PRKAA2: variants seen among roughly 807,000 people sequenced by gnomAD.
PRKAA2 encodes the protein protein kinase AMP-activated catalytic subunit alpha 2.
Under a neutral mutation model 56.3 loss-of-function variants are expected in PRKAA2, and 40 were observed. The ratio of observed to expected loss-of-function variants is 0.71; its 90% confidence interval spans 0.55 to 0.92. The LOEUF is 0.92. Among genes scored for constraint, PRKAA2 ranks in the 40% least tolerant of loss-of-function variants. PRKAA2 has a pLI of 0.00. For missense variants in PRKAA2, 542 were observed against 686.9 expected, an observed-to-expected ratio of 0.79 and a Z score of 2.36; for synonymous variants, 214 against 234.2, an observed-to-expected ratio of 0.91 and a Z score of 0.79.
At chr1:56,701,553 T>C (rs1644293461) in intron 6 of PRKAA2, among the ~76,000 whole-genome samples, 1 of 152,148 alleles carries the variant, frequency 6.6e-6, no homozygotes, top group Non-Finnish European at 1.5e-5. Flanking sequence ...TTATTGAGCA[T>C]TTACTCTACT....
intron 6 of PRKAA2, among the ~76,000 whole-genome samples, chr1:56,700,057 A>T (rs1264815469): frequency 9.2e-5 from 14 of 152,226 alleles, no homozygotes; most frequent in Non-Finnish European, 1.8e-4. Flanking sequence ...GAACATTTAC[A>T]TACACAGTTT....
intron 2 of PRKAA2, among the ~76,000 whole-genome samples, chr1:56,677,687 A>G (rs1644123258): frequency 6.9e-6 from 1 of 145,604 alleles, no homozygotes; most frequent in African/African-American, 2.6e-5. Context: ...AACAGAGCCT[A>G]GCTCTGTTGC....
chr1:56,672,102 TGTG>T lies in PRKAA2; in HGVS notation c.95-2276_95-2274del, dbSNP rs571056837. Among the ~76,000 whole-genome samples the T allele has an allele frequency of 6.0e-4, 92 of 152,108 alleles. 1 individual carries two copies. The Middle Eastern group carries it at 0.01, about 17-fold the overall frequency. ...TGAAGAAGAGGAGGAGAATGCTGAATGTGGTTTTTTTGTTTTTGTTTTTCATTT... is the reference window on the plus strand; with the variant it reads ...TGAAGAAGAGGAGGAGAATGCTGAATGTTTTTTTGTTTTTGTTTTTCATTT... On this transcript the variant is annotated intron_variant, in intron 1 of 8. Transcript: ENST00000371244.
chr1:56,652,283 G>A (rs1395368292), intron 1 of PRKAA2, among the ~76,000 whole-genome samples: 1 of 151,980 alleles, frequency 6.6e-6, no homozygotes, highest in Non-Finnish European at 1.5e-5. Context: ...AGTGCTGGGA[G>A]TAAAGGCGTG....
intron 2 of PRKAA2, among the ~76,000 whole-genome samples, chr1:56,688,573 G>A (rs1282447116): frequency 6.6e-6 from 1 of 152,172 alleles, no homozygotes; most frequent in Non-Finnish European, 1.5e-5. Context: ...TCATAGTATA[G>A]GATTCAGGTC....
chr1:56,710,814 T>C lies in PRKAA2; in HGVS notation c.*3101T>C, dbSNP rs1644364728. The C allele has an allele frequency of 6.6e-6, 1 of 152,154 alleles. No individual in the cohort carries two copies. Among genetic ancestry groups the C allele is most frequent in the Admixed American group, 6.6e-5 (1 of 15,262 alleles). The allele number at this position is 152,154 out of a possible 1,614,324, so 9.4% of individuals were successfully genotyped here. A position where few individuals can be genotyped will look rare whatever the true frequency, so the allele number is the denominator to read the frequency against. On this transcript the variant is annotated 3_prime_UTR_variant, in exon 9 of 9. Coordinates refer to ENST00000371244, the MANE Select transcript of PRKAA2 (RefSeq NM_006252.4). ...GTTAAAAAAAAGTCTAAGAGACTAA[T>C]GACTCATGCTTATGGCTCAGTGGGT...
intron 2 of PRKAA2, among the ~76,000 whole-genome samples, chr1:56,680,975 C>T (rs1644150075): frequency 6.6e-6 from 1 of 152,234 alleles, no homozygotes; most frequent in Non-Finnish European, 1.5e-5. Context: ...GTCCCACCAA[C>T]AGTGTAAAAG....
At chr1:56,662,751 GGT>G (rs1038985615) in intron 1 of PRKAA2, among the ~76,000 whole-genome samples, 1 of 152,072 alleles carries the variant, frequency 6.6e-6, no homozygotes, top group Admixed American at 6.6e-5. Context: ...TTGTTTTAAA[GGT>G]GTGTGTGTGT....
At chr1:56,678,786 C>T (rs1001559261) in intron 2 of PRKAA2, among the ~76,000 whole-genome samples, 1 of 151,662 alleles carries the variant, frequency 6.6e-6, no homozygotes, top group Non-Finnish European at 1.5e-5. Flanking sequence ...ACCTCCGCCT[C>T]CTGTGTTCAA....
chr1:56,658,850 GTACCTC>G (rs1004449630), intron 1 of PRKAA2, among the ~76,000 whole-genome samples: 2 of 151,454 alleles, frequency 1.3e-5, no homozygotes, highest in Non-Finnish European at 2.9e-5. Flanking sequence ...AGCAATTCTT[GTACCTC>G]AGCCTCTGCA....
intron 1 of PRKAA2, among the ~76,000 whole-genome samples, chr1:56,662,330 A>G (rs1008899909): frequency 4.6e-5 from 7 of 152,280 alleles, no homozygotes; most frequent in African/African-American, 1.7e-4. Flanking sequence ...CTTTGAGAAA[A>G]ACATATGACA....
Position 56,695,184 on chromosome 1 carries a change from A to T in PRKAA2, c.564-751A>T, listed in dbSNP as rs761747114. 9.8e-3 allele frequency among the ~76,000 whole-genome samples: 380 copies of T among 38,802 alleles called. 1 individual carries two copies. The highest frequency in any genetic ancestry group is 0.017 in the Non-Finnish European group (309 of 18,020). 25.5% of individuals were successfully genotyped at this position (38,802 alleles called of 152,430 possible). ...TCTCTCTCTATATATATGATATATT[A>T]TATATATATATATATATATTTTTTG... On this transcript the variant is annotated intron_variant, in intron 5 of 8. Coordinates refer to ENST00000371244, the MANE Select transcript of PRKAA2 (RefSeq NM_006252.4).
At position 56,696,132 on chromosome 1, in the gene PRKAA2, T is replaced by G; in HGVS notation, c.761T>G (p.Leu254Arg). 1 of 1,613,354 alleles carries G rather than the reference T, an allele frequency of 6.2e-7. No homozygotes were observed. The highest frequency in any genetic ancestry group is 8.5e-7 in the Non-Finnish European group (1 of 1,179,624). ...ATGCATATGCTGCAGGTTGACCCAC[T>G]GAAACGAGCAACTATCAAAGACATA... ...LLMHMLQVDP[L>R]KRATIKDIRE... The change falls in exon 6 of 9, where the codon CTG (leucine) becomes CGG (arginine). Residue 254 changes from leucine (L) to arginine (R), a missense_variant. This residue lies in a region of PRKAA2 where 198 missense variants were observed against 234.0 expected (regional missense o/e 0.85). Transcript: ENST00000371244.
rs1644380322 is a variant in PRKAA2, at chr1:56,713,159, A to G, written c.*5446A>G. 1 of 152,174 alleles carries G rather than the reference A, an allele frequency of 6.6e-6. No homozygotes were observed. Among genetic ancestry groups the G allele is most frequent in the Non-Finnish European group, 1.5e-5 (1 of 68,036 alleles). 9.4% of individuals were successfully genotyped at this position (152,174 alleles called of 1,614,324 possible). On this transcript the variant is annotated 3_prime_UTR_variant, in exon 9 of 9. Transcript: ENST00000371244. ...GGCATCATTACTAGCCTTTCCACCT[A>G]TAATTATGATGCATTTGATGCCACT...
In PRKAA2 at chr1:56,714,721, T is replaced by C. The variant is rs186298911; in HGVS notation, c.*7008T>C. ...AGAACTGTGAACTCTAAGGATAGTA[T>C]CTTTATTGTTTTAGGAAGAATGGTT... On this transcript the variant is annotated 3_prime_UTR_variant, in exon 9 of 9. Transcript: ENST00000371244. 16 of 152,288 alleles carry C rather than the reference T, an allele frequency of 1.1e-4. No homozygotes were observed. The highest frequency in any genetic ancestry group is 3.8e-4 in the African/African-American group (16 of 41,574). 9.4% of individuals were successfully genotyped at this position (152,288 alleles called of 1,614,324 possible). A position where few individuals can be genotyped will look rare whatever the true frequency, so the allele number is the denominator to read the frequency against.
chr1:56,697,049 G>A (rs12139405), intron 6 of PRKAA2, among the ~76,000 whole-genome samples: 16 of 83,134 alleles, frequency 1.9e-4, no homozygotes, highest in Admixed American at 6.6e-4. Flanking sequence ...TCACTCTGTC[G>A]CCCAGGCTGG....
intron 1 of PRKAA2, among the ~76,000 whole-genome samples, chr1:56,656,432 G>T (rs1643942892): frequency 6.6e-6 from 1 of 152,110 alleles, no homozygotes. Flanking sequence ...AGTATTTATT[G>T]TAAAAATGAC....
chr1:56,664,470 GT>G (rs1644019302), intron 1 of PRKAA2, among the ~76,000 whole-genome samples: 1 of 94,654 alleles, frequency 1.1e-5, no homozygotes, highest in Non-Finnish European at 2.1e-5. Flanking sequence ...TAGTTCAGAT[GT>G]TGTTTCTGGT....
At chr1:56,702,642 TGTCTCATG>T (rs1644304612) in intron 6 of PRKAA2, among the ~76,000 whole-genome samples, 2 of 152,220 alleles carry the variant, frequency 1.3e-5, no homozygotes, top group African/African-American at 2.4e-5. Context: ...AACTCTTTCT[TGTCTCATG>T]GTCTTTGCAC....
Sources: allele counts gnomAD v4.1 joint callset (sites outside exome capture counted in the v4.1 genomes callset), GRCh38; gene constraint gnomAD v4.1.1; regional missense constraint gnomAD v4.1.1; transcripts MANE v1.5; gene names NCBI Gene and HGNC (gene_info 2026-07-23, HGNC 2026-07-21).